Variants in LRRC4C observed in about 807,000 individuals in gnomAD.
LRRC4C encodes the protein leucine rich repeat containing 4C.
LRRC4C carries 5 observed loss-of-function variants against 33.6 expected under a neutral mutation model. That is an observed-to-expected ratio of 0.15 (90% CI 0.08 to 0.31). The LOEUF is 0.31. Ranked by LOEUF, LRRC4C falls within the 10% of genes least tolerant of loss-of-function variation. The pLI is 1.00. For synonymous variants in LRRC4C, 329 were observed against 302.0 expected (o/e 1.09, Z -0.93); for missense variants, 560 against 796.7 (o/e 0.70, Z 3.58).
intron 1 of LRRC4C, among the ~76,000 whole-genome samples, chr11:41,034,347 T>C (rs11036199): frequency 0.52 from 77,625 of 150,274 alleles, 20,775 homozygotes; most frequent in East Asian, 0.65. Context: ...CCTCCAAAAC[T>C]GTACAAAAAG....
At chr11:40,905,530 A>G (rs1956378678) in intron 2 of LRRC4C, among the ~76,000 whole-genome samples, 1 of 152,192 alleles carries the variant, frequency 6.6e-6, no homozygotes, top group Non-Finnish European at 1.5e-5. Context: ...AACAAGGAAA[A>G]ACTAACAGGC....
At chr11:40,358,280 C>G (rs1457741201) in intron 3 of LRRC4C, among the ~76,000 whole-genome samples, 1 of 151,982 alleles carries the variant, frequency 6.6e-6, no homozygotes, top group Non-Finnish European at 1.5e-5. Flanking sequence ...CCTCCCCAAA[C>G]TCCTTTTTTT....
chr11:41,090,209 A>G (rs1440728290), intron 1 of LRRC4C, among the ~76,000 whole-genome samples: 1 of 152,130 alleles, frequency 6.6e-6, no homozygotes, highest in African/African-American at 2.4e-5. Flanking sequence ...TTATATAGGG[A>G]GAGATATAAA....
chr11:40,196,804 T>G (rs553452461), intron 5 of LRRC4C, among the ~76,000 whole-genome samples: 14 of 152,296 alleles, frequency 9.2e-5, no homozygotes, highest in African/African-American at 3.4e-4. Context: ...TATATACAAA[T>G]GTAATTACAA....
intron 1 of LRRC4C, among the ~76,000 whole-genome samples, chr11:40,968,207 G>A (rs893744153): frequency 6.6e-6 from 1 of 152,068 alleles, no homozygotes; most frequent in Non-Finnish European, 1.5e-5. Flanking sequence ...CCAAAGCTTA[G>A]CCCAGAGGAA....
chr11:40,344,535 C>T (rs1947031653), intron 3 of LRRC4C, among the ~76,000 whole-genome samples: 1 of 152,122 alleles, frequency 6.6e-6, no homozygotes, highest in South Asian at 2.1e-4. Flanking sequence ...TGATAACCCA[C>T]AGCCAACATC....
chr11:40,580,058 G>GGTGTGTGTGTGGGT (rs113403139), intron 3 of LRRC4C, among the ~76,000 whole-genome samples: 1 of 145,438 alleles, frequency 6.9e-6, no homozygotes, highest in Non-Finnish European at 1.5e-5. Context: ...GTACTTTTCA[G>GGTGTGTGTGTGGGT]GTGTGTGTGT....
chr11:40,271,826 A>G (rs1207985940), intron 4 of LRRC4C, among the ~76,000 whole-genome samples: 1 of 152,172 alleles, frequency 6.6e-6, no homozygotes, highest in Non-Finnish European at 1.5e-5. Flanking sequence ...ACCCAGGGAG[A>G]CACATAGTAA....
intron 1 of LRRC4C, among the ~76,000 whole-genome samples, chr11:41,406,709 CACA>C (rs1954251807): frequency 3.9e-5 from 1 of 25,906 alleles, no homozygotes. Context: ...ACATTCACCA[CACA>C]CACACACACA....
At chr11:41,244,386 T>C (rs1948372122) in intron 1 of LRRC4C, among the ~76,000 whole-genome samples, 1 of 152,148 alleles carries the variant, frequency 6.6e-6, no homozygotes, top group Non-Finnish European at 1.5e-5. Context: ...TCCTGTTTTA[T>C]TGGGGTGGGG....
chr11:40,990,892 T>A (rs905698594), intron 1 of LRRC4C, among the ~76,000 whole-genome samples: 19 of 152,234 alleles, frequency 1.2e-4, no homozygotes, highest in African/African-American at 4.6e-4. Flanking sequence ...TGCTTTTTTT[T>A]ATACAAGGAA....
rs1316736805 is a variant in LRRC4C at position 40,116,146 on chromosome 11, A to G, written c.147T>C (p.Ser49=). 1 of 1,614,026 alleles carries G rather than the reference A, an allele frequency of 6.2e-7. No individual in the cohort carries two copies. Among genetic ancestry groups the G allele is most frequent in the Admixed American group, 1.7e-5 (1 of 60,012 alleles). Reference sequence around the variant, plus strand: ...TGAACTGGTTGCTGCAGGAGCACACAGAAGGGCAGGTCTGAGCCCGCACCA... The same window carrying G: ...TGAACTGGTTGCTGCAGGAGCACACGGAAGGGCAGGTCTGAGCCCGCACCA... ...AGLVRAQTCP[S]VCSCSNQFSK... The change falls in exon 7 of 7, where the codon TCT becomes TCC. Residue 49 remains serine (S), a synonymous_variant. Transcript: ENST00000528697.
intron 1 of LRRC4C, among the ~76,000 whole-genome samples, chr11:41,022,642 T>C (rs1475915644): frequency 1.3e-5 from 2 of 152,030 alleles, no homozygotes. Context: ...AAGTTGTTTG[T>C]ACATGTGGGT....
At chr11:40,331,430 T>C (rs1946357739) in intron 3 of LRRC4C, among the ~76,000 whole-genome samples, 1 of 152,196 alleles carries the variant, frequency 6.6e-6, no homozygotes, top group Admixed American at 6.5e-5. Flanking sequence ...GATGAATGAA[T>C]GAAGAAAATG....
intron 2 of LRRC4C, among the ~76,000 whole-genome samples, chr11:40,665,366 A>ATATATG (rs1555139967): frequency 2.0e-3 from 63 of 30,962 alleles, no homozygotes; most frequent in Non-Finnish European, 3.6e-3. Context: ...ATATATATGT[A>ATATATG]TATATATATA....
intron 2 of LRRC4C, among the ~76,000 whole-genome samples, chr11:40,887,207 A>AT (rs1332973220): frequency 3.2e-5 from 1 of 31,280 alleles, no homozygotes; most frequent in African/African-American, 6.7e-5. Flanking sequence ...GCTAATACAC[A>AT]TAAAAAAAAG....
chr11:40,632,185 C>T lies in LRRC4C; in HGVS notation c.-270+15957G>A, dbSNP rs115100538. Among the ~76,000 whole-genome samples the T allele has an allele frequency of 8.6e-3, 1,306 of 152,216 alleles. 15 individuals carry two copies. Among genetic ancestry groups the T allele is most frequent in the African/African-American group, 0.029 (1,215 of 41,512 alleles). On this transcript the variant is annotated intron_variant, in intron 3 of 6. Coordinates refer to ENST00000528697, the MANE Select transcript of LRRC4C (RefSeq NM_001258419.2). ...GGATTGTGTTAAACAAAAATACAGC[C>T]GTGTATTGAAGGCTGAATTCAAAAT... is the stretch of plus-strand genomic sequence containing the variant.
chr11:41,207,900 G>A (rs1382364790), intron 1 of LRRC4C, among the ~76,000 whole-genome samples: 1 of 152,192 alleles, frequency 6.6e-6, no homozygotes, highest in Non-Finnish European at 1.5e-5. Context: ...TGTAGAAGTG[G>A]CTTTGACCCT....
intron 3 of LRRC4C, among the ~76,000 whole-genome samples, chr11:40,360,418 C>T (rs1247452362): frequency 7.9e-5 from 12 of 152,122 alleles, no homozygotes; most frequent in East Asian, 3.9e-4. Context: ...GTCTGGAAAA[C>T]GGATCAATAG....
Sources: allele counts gnomAD v4.1 joint callset (sites outside exome capture counted in the v4.1 genomes callset), GRCh38; gene constraint gnomAD v4.1.1; transcripts MANE v1.5; gene names NCBI Gene and HGNC (gene_info 2026-07-23, HGNC 2026-07-21).